Variants in IL1RAPL1 observed in about 807,000 individuals in gnomAD.
IL1RAPL1 encodes the protein interleukin 1 receptor accessory protein like 1.
Under a neutral mutation model 48.4 loss-of-function variants are expected in IL1RAPL1, and 3 were observed. The ratio of observed to expected loss-of-function variants is 0.06; its 90% CI spans 0.03 to 0.16. The LOEUF (loss-of-function observed/expected upper bound fraction) is 0.16. IL1RAPL1 is among the 10% of genes least tolerant of loss of function. The pLI is 1.00. For synonymous variants in IL1RAPL1, 185 were observed against 187.7 expected (o/e 0.99, Z 0.12); for missense variants, 349 against 530.6 (o/e 0.66, Z 3.36).
intron 1 of IL1RAPL1, among the ~76,000 whole-genome samples, chrX:28,731,961 C>T (rs1224547967): frequency 9.0e-6 from 1 of 111,462 alleles, no homozygotes; most frequent in Non-Finnish European, 1.9e-5. Flanking sequence ...AGAATCAAAG[C>T]GACGCTACAG....
chrX:28,799,563 A>G (rs1355569456), intron 2 of IL1RAPL1, among the ~76,000 whole-genome samples: 2 of 112,158 alleles, frequency 1.8e-5, no homozygotes, highest in Non-Finnish European at 3.8e-5. Context: ...AGAAGGGAAG[A>G]CACACAATCA....
intron 3 of IL1RAPL1, among the ~76,000 whole-genome samples, chrX:29,334,522 G>T (rs1932949278): frequency 8.9e-6 from 1 of 112,657 alleles, no homozygotes; most frequent in Non-Finnish European, 1.9e-5. Context: ...TCCCAGACGG[G>T]GTGGCTGCCG....
At chrX:28,590,103 G>A (rs1189489311) in intron 1 of IL1RAPL1, among the ~76,000 whole-genome samples, 2 of 111,615 alleles carry the variant, frequency 1.8e-5, no homozygotes, top group Non-Finnish European at 3.8e-5. Context: ...TTTATCTGGA[G>A]TTGTGATTTT....
intron 2 of IL1RAPL1, among the ~76,000 whole-genome samples, chrX:29,081,912 A>G (rs926894826): frequency 2.7e-5 from 3 of 110,452 alleles, no homozygotes; most frequent in Non-Finnish European, 5.7e-5. Flanking sequence ...TGAGGAGTCA[A>G]AATAGGAGGT....
rs200090993 is a variant in IL1RAPL1 at position 29,690,598 on chromosome X, TA to T, written c.778+22103del. Among the ~76,000 whole-genome samples the T allele has an allele frequency of 7.8e-3, 866 of 111,236 alleles. 10 individuals are homozygous for T. Among genetic ancestry groups the T allele is most frequent in the African/African-American group, 0.027 (826 of 30,726 alleles). On this transcript the variant is annotated intron_variant, in intron 6 of 10. Coordinates refer to ENST00000378993, the MANE Select transcript of IL1RAPL1 (RefSeq NM_014271.4). ...TTACTTTTTCAAGTTTAATGGAATT[TA>T]AAAAAAAATTTACTATATTTACTGT...
At chrX:29,100,064 T>G (rs971136493) in intron 2 of IL1RAPL1, among the ~76,000 whole-genome samples, 1 of 109,510 alleles carries the variant, frequency 9.1e-6, no homozygotes, top group Non-Finnish European at 1.9e-5. Context: ...ATACAAAAAT[T>G]AGCTGGGTGT....
chrX:29,464,916 A>G (rs960962780), intron 5 of IL1RAPL1, among the ~76,000 whole-genome samples: 1 of 111,315 alleles, frequency 9.0e-6, no homozygotes, highest in African/African-American at 3.3e-5. Flanking sequence ...ACAAGGGCCT[A>G]CTTTAAGATG....
chrX:29,836,816 T>C (rs1931018486), intron 6 of IL1RAPL1, among the ~76,000 whole-genome samples: 1 of 111,263 alleles, frequency 9.0e-6, no homozygotes, highest in South Asian at 3.8e-4. Flanking sequence ...TTACTCCCCG[T>C]CACCAGTGAG....
chrX:28,984,956 A>C (rs1487285637), intron 2 of IL1RAPL1, among the ~76,000 whole-genome samples: 1 of 112,167 alleles, frequency 8.9e-6, no homozygotes, highest in Non-Finnish European at 1.9e-5. Flanking sequence ...CAAGGCAATA[A>C]GAACATCTCA....
chrX:28,967,285 A>G (rs1231358240), intron 2 of IL1RAPL1, among the ~76,000 whole-genome samples: 2 of 111,449 alleles, frequency 1.8e-5, no homozygotes, highest in Non-Finnish European at 3.8e-5. Context: ...CTGAAGCTTT[A>G]TATACTATTG....
chrX:28,605,656 T>C, intron 1 of IL1RAPL1, among the ~76,000 whole-genome samples: 1 of 112,355 alleles, frequency 8.9e-6, no homozygotes, highest in Non-Finnish European at 1.9e-5. Flanking sequence ...ACAGGTTGTG[T>C]CACTCTACTT....
At chrX:29,911,549 T>TAACA (rs899510043) in intron 6 of IL1RAPL1, among the ~76,000 whole-genome samples, 3 of 112,324 alleles carry the variant, frequency 2.7e-5, no homozygotes, top group African/African-American at 9.7e-5. Context: ...GGTAAATGTT[T>TAACA]AACACTTGGC....
chrX:29,759,575 A>G (rs1048495334), intron 6 of IL1RAPL1, among the ~76,000 whole-genome samples: 2 of 111,782 alleles, frequency 1.8e-5, no homozygotes, highest in African/African-American at 6.5e-5. Flanking sequence ...TTGTTACTAA[A>G]AGTTATGGCA....
chrX:29,728,024 G>T (rs1227913389), intron 6 of IL1RAPL1, among the ~76,000 whole-genome samples: 1 of 110,637 alleles, frequency 9.0e-6, no homozygotes, highest in Non-Finnish European at 1.9e-5. Flanking sequence ...TGCAAGCTCC[G>T]CCTCCCGGGT....
intron 6 of IL1RAPL1, among the ~76,000 whole-genome samples, chrX:29,837,258 CAAAAAA>C (rs34032700): frequency 0.043 from 1,279 of 29,965 alleles, 11 homozygotes; most frequent in Non-Finnish European, 0.056. Context: ...GACTGCATCT[CAAAAAA>C]AAAAAAAAAT....
intron 2 of IL1RAPL1, among the ~76,000 whole-genome samples, chrX:29,280,371 G>A (rs1230327092): frequency 9.0e-6 from 1 of 111,150 alleles, no homozygotes; most frequent in African/African-American, 3.3e-5. Flanking sequence ...CAGCCCTTTT[G>A]TAAAAATTTT....
Position 29,399,195 on chromosome X carries a change from A to G in IL1RAPL1, c.590A>G (p.Lys197Arg). The part of the protein sequence containing the change: ...TKTWRPSIVF[K>R]RDTLLIREVR... ...ACATGGAGGCCAAGTATTGTATTCA[A>G]AAGAGATACTCTGCTTATAAGAGAA... is the stretch of plus-strand genomic sequence containing the variant. Residue 197 changes from lysine (K) to arginine (R), a missense_variant, in exon 5 of 11, where the codon AAA (lysine) becomes AGA (arginine). Physicochemically the swap from Lys to Arg is conservative, Grantham distance 26. Around this residue, in one of 3 missense-constraint regions of IL1RAPL1, gnomAD observed 238 missense variants for 337.8 expected, o/e 0.70. Coordinates refer to ENST00000378993, the MANE Select transcript of IL1RAPL1 (RefSeq NM_014271.4). 2 of 1,202,574 alleles carry G rather than the reference A, an allele frequency of 1.7e-6. No individual in the cohort carries two copies. The highest frequency in any genetic ancestry group is 2.3e-6 in the Non-Finnish European group (2 of 887,114).
intron 2 of IL1RAPL1, among the ~76,000 whole-genome samples, chrX:28,838,061 C>T (rs763717460): frequency 1.8e-5 from 2 of 110,497 alleles, no homozygotes; most frequent in Non-Finnish European, 3.8e-5. Flanking sequence ...TACTTTAGCA[C>T]GAGAAACAAA....
chrX:29,365,602 T>C (rs2147662409), intron 3 of IL1RAPL1, among the ~76,000 whole-genome samples: 1 of 110,746 alleles, frequency 9.0e-6, no homozygotes, highest in Non-Finnish European at 1.9e-5. Flanking sequence ...AGAGGATCGC[T>C]TGAGCCCGGG....
Sources: allele counts gnomAD v4.1 joint callset (sites outside exome capture counted in the v4.1 genomes callset), GRCh38; gene constraint gnomAD v4.1.1; regional missense constraint gnomAD v4.1.1; transcripts MANE v1.5; gene names NCBI Gene and HGNC (gene_info 2026-07-23, HGNC 2026-07-21).